PLPPR1: variants seen among roughly 807,000 people sequenced by gnomAD.
PLPPR1 encodes phospholipid phosphatase-related protein type 1.
In PLPPR1, 10 loss-of-function variants were observed where a neutral mutation model predicts 33.1. That is an observed-to-expected ratio of 0.30 (90% CI 0.19 to 0.51). PLPPR1 has a LOEUF of 0.51. Ranked by LOEUF, PLPPR1 falls within the 20% of genes least tolerant of loss-of-function variation. The pLI, the probability that PLPPR1 is intolerant of heterozygous loss-of-function variation, is 0.97. For missense variants in PLPPR1, 304 were observed against 408.1 expected (o/e 0.74, Z 2.20); for synonymous variants, 151 against 151.0 (o/e 1.00, Z 0.00).
chr9:101,048,086 C>CA (rs1261977023), intron 1 of PLPPR1, among the ~76,000 whole-genome samples: 2 of 152,162 alleles, frequency 1.3e-5, no homozygotes, highest in Non-Finnish European at 2.9e-5. Flanking sequence ...ATCACCTGCT[C>CA]CTTTATCGCA....
At chr9:101,227,172 G>A (rs913241724) in intron 2 of PLPPR1, among the ~76,000 whole-genome samples, 7 of 152,184 alleles carry the variant, frequency 4.6e-5, no homozygotes, top group South Asian at 4.1e-4. Flanking sequence ...CTAGGATCCC[G>A]TAGGGGAGCC....
At chr9:101,296,724 C>T (rs1336062471) in intron 4 of PLPPR1, among the ~76,000 whole-genome samples, 1 of 151,970 alleles carries the variant, frequency 6.6e-6, no homozygotes, top group Non-Finnish European at 1.5e-5. Flanking sequence ...TATATTTTCA[C>T]TCATAGGTGG....
chr9:101,207,592 G>T (rs1479865304), intron 2 of PLPPR1, among the ~76,000 whole-genome samples: 1 of 152,130 alleles, frequency 6.6e-6, no homozygotes, highest in East Asian at 1.9e-4. Flanking sequence ...TTCTCCTTAA[G>T]TCAGCTCCCC....
intron 4 of PLPPR1, among the ~76,000 whole-genome samples, chr9:101,286,970 A>AG (rs2118917064): frequency 6.6e-6 from 1 of 152,324 alleles, no homozygotes; most frequent in East Asian, 1.9e-4. Context: ...ACCATTTAAA[A>AG]CAAGAGAACT....
intron 7 of PLPPR1, among the ~76,000 whole-genome samples, chr9:101,318,621 A>G (rs1829097881): frequency 1.3e-5 from 2 of 152,120 alleles, no homozygotes; most frequent in East Asian, 3.9e-4. Flanking sequence ...AAAAAATACA[A>G]AAATTAGCCC....
chr9:101,218,528 T>C (rs1332201385), intron 2 of PLPPR1, among the ~76,000 whole-genome samples: 1 of 152,164 alleles, frequency 6.6e-6, no homozygotes, highest in African/African-American at 2.4e-5. Context: ...GATAACACTA[T>C]ACTCCCTATC....
chr9:101,141,504 T>A (rs1254019380), intron 1 of PLPPR1, among the ~76,000 whole-genome samples: 1 of 152,200 alleles, frequency 6.6e-6, no homozygotes, highest in Non-Finnish European at 1.5e-5. Context: ...CCCTGTTAGA[T>A]GAAATTGAAC....
At chr9:101,159,993 A>G (rs1831751966) in intron 1 of PLPPR1, among the ~76,000 whole-genome samples, 1 of 152,148 alleles carries the variant, frequency 6.6e-6, no homozygotes, top group Non-Finnish European at 1.5e-5. Context: ...GTACTAAGAA[A>G]AATTTGATGG....
chr9:101,045,284 G>C (rs1230989999), intron 1 of PLPPR1, among the ~76,000 whole-genome samples: 1 of 152,204 alleles, frequency 6.6e-6, no homozygotes, highest in Non-Finnish European at 1.5e-5. Flanking sequence ...ATCTGAACAG[G>C]CTGATGGAGG....
intron 1 of PLPPR1, among the ~76,000 whole-genome samples, chr9:101,109,011 T>G (rs1831015183): frequency 6.7e-6 from 1 of 149,314 alleles, no homozygotes; most frequent in South Asian, 2.1e-4. Flanking sequence ...CAGGCTGGAG[T>G]GCAGTGGCGC....
chr9:101,092,771 G>A (rs548865809), intron 1 of PLPPR1, among the ~76,000 whole-genome samples: 2 of 152,188 alleles, frequency 1.3e-5, no homozygotes, highest in African/African-American at 4.8e-5. Flanking sequence ...CCATCTATTG[G>A]AACCCTGATT....
At chr9:101,249,347 C>A (rs558343355) in intron 2 of PLPPR1, among the ~76,000 whole-genome samples, 1 of 152,142 alleles carries the variant, frequency 6.6e-6, no homozygotes, top group East Asian at 1.9e-4. Context: ...CCATGATATT[C>A]TATCTCATTT....
At chr9:101,186,959 T>C (rs1238206487) in intron 2 of PLPPR1, among the ~76,000 whole-genome samples, 1 of 151,920 alleles carries the variant, frequency 6.6e-6, no homozygotes, top group Non-Finnish European at 1.5e-5. Context: ...ATTCTTAATA[T>C]TTTGCATTTA....
chr9:101,109,107 C>T (rs192778499), intron 1 of PLPPR1, among the ~76,000 whole-genome samples: 4,144 of 150,118 alleles, frequency 0.028, 93 homozygotes, highest in East Asian at 0.084. Context: ...TACAGGCGCC[C>T]GCCACCACGC....
chr9:101,189,952 T>C (rs967486017), intron 2 of PLPPR1, among the ~76,000 whole-genome samples: 2 of 152,164 alleles, frequency 1.3e-5, no homozygotes, highest in Non-Finnish European at 2.9e-5. Context: ...GACTGTTTCC[T>C]TATATTTGTG....
chr9:101,212,229 T>G (rs779413447), intron 2 of PLPPR1, among the ~76,000 whole-genome samples: 3 of 152,026 alleles, frequency 2.0e-5, no homozygotes, highest in Non-Finnish European at 4.4e-5. Flanking sequence ...ATTACAGACA[T>G]GTGCCACCAT....
chr9:101,087,349 G>A (rs1384063529), intron 1 of PLPPR1, among the ~76,000 whole-genome samples: 1 of 151,930 alleles, frequency 6.6e-6, no homozygotes, highest in Non-Finnish European at 1.5e-5. Context: ...CCTGTTTTAT[G>A]TTTATTTATT....
intron 1 of PLPPR1, among the ~76,000 whole-genome samples, chr9:101,083,857 A>G (rs1426066806): frequency 1.3e-5 from 2 of 152,232 alleles, no homozygotes; most frequent in Non-Finnish European, 2.9e-5. Flanking sequence ...AAGAGTAAGT[A>G]CAGTCATGCA....
intron 1 of PLPPR1, among the ~76,000 whole-genome samples, chr9:101,159,791 A>T (rs1831749719): frequency 6.6e-6 from 1 of 152,212 alleles, no homozygotes; most frequent in East Asian, 1.9e-4. Context: ...GAAAGAGGGC[A>T]CTGATAGGTA....
Sources: gnomAD v4.1 joint callset for allele counts (sites outside exome capture counted in the v4.1 genomes callset) on GRCh38, gnomAD v4.1.1 for gene constraint, MANE v1.5 for transcripts, NCBI Gene and HGNC (gene_info 2026-07-23, HGNC 2026-07-21) for gene names.